CCDC149: variants seen among roughly 807,000 people sequenced by gnomAD.
CCDC149 encodes coiled-coil domain-containing protein 149.
A neutral mutation model predicts 59.9 loss-of-function variants in CCDC149; 45 were observed. The observed-to-expected ratio is 0.75, with a 90% CI of 0.59 to 0.96. The LOEUF is 0.96. Among genes scored for constraint, CCDC149 ranks in the 40% least tolerant of loss-of-function variants. The pLI, the probability that CCDC149 is intolerant of heterozygous loss-of-function variation, is 0.00. For synonymous variants in CCDC149, 245 were observed against 260.6 expected, an observed-to-expected ratio of 0.94 and a Z score of 0.58; for missense variants, 584 against 664.7, an observed-to-expected ratio of 0.88 and a Z score of 1.33.
intron 2 of CCDC149, among the ~76,000 whole-genome samples, chr4:24,876,294 C>T (rs1396429430): frequency 1.0e-3 from 10 of 9,532 alleles, no homozygotes; most frequent in Non-Finnish European, 6.5e-3. Context: ...TACACACGTA[C>T]ACACACACAC....
intron 1 of CCDC149, among the ~76,000 whole-genome samples, chr4:24,879,284 G>C (rs1315638969): frequency 6.6e-6 from 1 of 152,074 alleles, no homozygotes; most frequent in East Asian, 1.9e-4. Flanking sequence ...GGGAGGCCGA[G>C]GTGGGCAGAA....
At chr4:24,957,837 T>C (rs886667634) in intron 1 of CCDC149, among the ~76,000 whole-genome samples, 3 of 152,178 alleles carry the variant, frequency 2.0e-5, no homozygotes, top group African/African-American at 7.2e-5. Flanking sequence ...ACTTACATAG[T>C]TAATAAGGGA....
At chr4:24,834,314 T>A (rs948220902) in intron 8 of CCDC149, among the ~76,000 whole-genome samples, 8 of 152,164 alleles carry the variant, frequency 5.3e-5, no homozygotes, top group Non-Finnish European at 1.2e-4. Flanking sequence ...ATTCTGAATA[T>A]TAAGTGTCAG....
intron 2 of CCDC149, 97 bp from the exon 3 acceptor site, chr4:24,873,816 T>TGGGGGGG: frequency 6.6e-6 from 5 of 762,662 alleles, no homozygotes; most frequent in African/African-American, 1.8e-5. Flanking sequence ...ATGTAGACTC[T>TGGGGGGG]CCCCACCCTC....
intron 9 of CCDC149, chr4:24,827,520 A>G (rs1577387000): frequency 6.6e-6 from 1 of 152,374 alleles, no homozygotes; most frequent in African/African-American, 2.4e-5. Context: ...CCTGGGGGGA[A>G]GGTCTGGAGA....
Position 24,931,829 on chromosome 4 carries a change from G to GTGTATATATA in CCDC149, c.-64-36712_-64-36711insTATATATACA, listed in dbSNP as rs1373905167. 4.4e-4 allele frequency among the ~76,000 whole-genome samples: 34 copies of GTGTATATATA among 76,936 alleles called. No individual in the cohort carries two copies. In the East Asian group the frequency reaches 0.013, roughly 29 times the overall value. 50.5% of individuals were successfully genotyped at this position (76,936 alleles called of 152,430 possible). ...CTCCCTTATATTGTATGGAGAGTATGTATATATATATATATATATATATGC... is the reference window on the plus strand; with the variant it reads ...CTCCCTTATATTGTATGGAGAGTATGTGTATATATATATATATATATATATATATATATGC... On this transcript the variant is annotated intron_variant, in intron 1 of 12. Coordinates refer to the CCDC149 transcript ENST00000389609.
Position 24,837,551 on chromosome 4 carries a change from T to A in CCDC149, c.490-151A>T. On this transcript the variant is annotated intron_variant, in intron 5 of 12. Coordinates refer to ENST00000635206, the MANE Select transcript of CCDC149 (RefSeq NM_001330643.2). The surrounding 1 kb of genome is among the most constrained non-coding windows in gnomAD (Gnocchi z 4.3). ...AAGCCATAAGCGCCACACACTGAAATACAATAACAGCTAAAAGCGAGGGAT... is the reference window on the plus strand; with the variant it reads ...AAGCCATAAGCGCCACACACTGAAAAACAATAACAGCTAAAAGCGAGGGAT... 1.5e-6 allele frequency: 1 copy of A among 653,438 alleles called. No individual in the cohort carries two copies. Among genetic ancestry groups the A allele is most frequent in the Non-Finnish European group, 2.6e-6 (1 of 383,816 alleles). 40.5% of individuals were successfully genotyped at this position (653,438 alleles called of 1,614,324 possible).
chr4:24,861,708 A>G (rs532218035), intron 3 of CCDC149, among the ~76,000 whole-genome samples: 1 of 152,296 alleles, frequency 6.6e-6, no homozygotes, highest in African/African-American at 2.4e-5. Context: ...GGCAATGACC[A>G]TGATGTTAAG....
chr4:24,898,707 A>G (rs1720986764), intron 1 of CCDC149, among the ~76,000 whole-genome samples: 2 of 152,158 alleles, frequency 1.3e-5, no homozygotes, highest in African/African-American at 2.4e-5. Context: ...TTACCCTGCC[A>G]ACAATCCCCC....
chr4:24,945,030 C>A (rs990097580), intron 1 of CCDC149, among the ~76,000 whole-genome samples: 1 of 152,230 alleles, frequency 6.6e-6, no homozygotes, highest in African/African-American at 2.4e-5. Context: ...GATGCCTGTG[C>A]AGCCCCTTCT....
rs995792450 is a variant in CCDC149, at chr4:24,807,154, G to A, written c.*1235C>T. 4.3e-4 allele frequency: 66 copies of A among 152,300 alleles called. No homozygotes were observed. Among genetic ancestry groups the A allele is most frequent in the African/African-American group, 1.6e-3 (65 of 41,568 alleles). The allele number at this position is 152,300 out of a possible 1,614,324, so 9.4% of individuals were successfully genotyped here. ...GAGGCATTCTGAGCTTTGGGATCTA[G>A]TCTCAGGCTTTCCAGGGAAGGAAAA... On this transcript the variant is annotated 3_prime_UTR_variant, in exon 13 of 13. Coordinates refer to ENST00000635206, the MANE Select transcript of CCDC149 (RefSeq NM_001330643.2).
intron 4 of CCDC149, among the ~76,000 whole-genome samples, chr4:24,847,678 C>G (rs1035338348): frequency 3.9e-5 from 6 of 152,186 alleles, no homozygotes; most frequent in Admixed American, 6.5e-5. Context: ...GAAACTGAGG[C>G]CTGGAGAGAA....
intron 11 of CCDC149, chr4:24,820,178 A>G: frequency 1.9e-6 from 1 of 513,280 alleles, no homozygotes; most frequent in South Asian, 3.0e-5. Context: ...ACACACACAC[A>G]AAATCCTTAT....
chr4:24,866,545 G>A (rs1324346297), intron 3 of CCDC149, among the ~76,000 whole-genome samples: 6 of 151,998 alleles, frequency 3.9e-5, no homozygotes, highest in Non-Finnish European at 8.8e-5. Context: ...GCAAAGGGGC[G>A]CTCTGTGTAC....
At position 24,808,663 on chromosome 4, in the gene CCDC149, G is replaced by T. The variant is rs1439861071; in HGVS notation, c.1349C>A (p.Ser450Tyr). The change falls in exon 13 of 13, where the codon TCT becomes TAT. Residue 450 changes from serine (S) to tyrosine (Y), a missense_variant. Ser to Tyr is a moderately radical substitution (Grantham distance 144). Coordinates refer to ENST00000635206, the MANE Select transcript of CCDC149 (RefSeq NM_001330643.2). ...CCCAAGGCTGTTTACTTCTTCCTCA[G>T]AAGGTAACTGGGGTAATGAAGGATG... is the stretch of plus-strand genomic sequence containing the variant. 3 of 1,552,270 alleles carry T rather than the reference G, an allele frequency of 1.9e-6. No individual in the cohort carries two copies. In the African/African-American group the frequency reaches 4.1e-5, roughly 21 times the overall value.
intron 3 of CCDC149, among the ~76,000 whole-genome samples, chr4:24,866,024 C>T (rs567593738): frequency 2.6e-5 from 4 of 152,264 alleles, no homozygotes; most frequent in South Asian, 4.2e-4. Flanking sequence ...CACTTGAGAT[C>T]TTTGAAGGAA....
intron 4 of CCDC149, among the ~76,000 whole-genome samples, chr4:24,850,824 T>C (rs1373267003): frequency 2.0e-5 from 3 of 152,100 alleles, no homozygotes; most frequent in Non-Finnish European, 4.4e-5. Context: ...CTGGTGCCAT[T>C]ATGGAATGAG....
At chr4:24,891,990 C>T (rs758167389) in intron 1 of CCDC149, among the ~76,000 whole-genome samples, 1 of 151,882 alleles carries the variant, frequency 6.6e-6, no homozygotes, top group South Asian at 2.1e-4. Context: ...GAGAGTGAGA[C>T]CCTGTCTCAA....
At chr4:24,841,190 G>A (rs900984841) in intron 4 of CCDC149, among the ~76,000 whole-genome samples, 22 of 152,328 alleles carry the variant, frequency 1.4e-4, no homozygotes, top group Admixed American at 1.4e-3. Context: ...GAGGCCAACA[G>A]GAGGCTCAGG....
Sources: allele counts gnomAD v4.1 joint callset (sites outside exome capture counted in the v4.1 genomes callset), GRCh38; gene constraint gnomAD v4.1.1; non-coding constraint Gnocchi (gnomAD v3.1); transcripts MANE v1.5; gene names NCBI Gene and HGNC (gene_info 2026-07-23, HGNC 2026-07-21).